Variants in BICD2 observed in about 807,000 individuals in gnomAD.
BICD2 encodes the protein protein bicaudal D homolog 2.
BICD2 carries 25 observed loss-of-function variants against 72.9 expected under a neutral mutation model. The ratio of observed to expected loss-of-function variants is 0.34; its 90% CI spans 0.25 to 0.48. The LOEUF (loss-of-function observed/expected upper bound fraction) is 0.48. Ranked by LOEUF, BICD2 falls within the 20% of genes least tolerant of loss-of-function variation. BICD2 has a pLI of 0.99. For synonymous variants in BICD2, 501 were observed against 516.1 expected, an observed-to-expected ratio of 0.97 and a Z score of 0.40; for missense variants, 894 against 1,175.2, an observed-to-expected ratio of 0.76 and a Z score of 3.50.
intron 1 of BICD2, among the ~76,000 whole-genome samples, chr9:92,744,886 T>C (rs1421067839): frequency 6.6e-6 from 1 of 152,100 alleles, no homozygotes; most frequent in Non-Finnish European, 1.5e-5. Context: ...ATAGCAAATG[T>C]ACCCAAGGGA....
At chr9:92,729,274 C>T (rs762232879) in intron 1 of BICD2, 38 bp from the exon 2 acceptor site, 1 of 1,606,174 alleles carries the variant, frequency 6.2e-7, no homozygotes, top group Non-Finnish European at 8.5e-7. Context: ...GGTGGGCCTC[C>T]CAGGGGCGCC....
At chr9:92,742,332 A>C (rs1040225444) in intron 1 of BICD2, among the ~76,000 whole-genome samples, 1 of 152,144 alleles carries the variant, frequency 6.6e-6, no homozygotes, top group Admixed American at 6.5e-5. Flanking sequence ...AGTGGTTTTT[A>C]GTACATTCAC....
chr9:92,714,432 T>C lies in BICD2; in HGVS notation c.*722A>G, dbSNP rs1437224198. ...CCTGGGGCCTTGGGCCCTGCCAATC[T>C]GTCACCTCACAGGCCACTATACAAG... On this transcript the variant is annotated 3_prime_UTR_variant, in exon 7 of 7. Coordinates refer to ENST00000356884, the MANE Select transcript of BICD2 (RefSeq NM_001003800.2). 3.0e-6 allele frequency: 3 copies of C among 985,386 alleles called. No homozygotes were observed. Among genetic ancestry groups the C allele is most frequent in the East Asian group, 1.1e-4 (1 of 8,828 alleles). The allele number at this position is 985,386 out of a possible 1,614,324, so 61.0% of individuals were successfully genotyped here. A position where few individuals can be genotyped will look rare whatever the true frequency, so the allele number is the denominator to read the frequency against.
At chr9:92,723,562 G>T (rs1160673286) in intron 2 of BICD2, among the ~76,000 whole-genome samples, 2 of 152,236 alleles carry the variant, frequency 1.3e-5, no homozygotes, top group African/African-American at 4.8e-5. Context: ...AGCTGGGGAG[G>T]GGGATGGGGA....
Position 92,713,505 on chromosome 9 carries a change from C to T in BICD2, c.*1649G>A, listed in dbSNP as rs377278066. On this transcript the variant is annotated 3_prime_UTR_variant, in exon 7 of 7. Coordinates refer to ENST00000356884, the MANE Select transcript of BICD2 (RefSeq NM_001003800.2). ...AGAGCGTTAGAAAGCGGTCATCTGT[C>T]GCTTCCTGTTTATCTGACAATTGAA... 2.2e-4 allele frequency: 340 copies of T among 1,574,022 alleles called. 1 individual carries two copies. Among genetic ancestry groups the T allele is most frequent in the Non-Finnish European group, 1.9e-4 (216 of 1,158,378 alleles).
At position 92,720,114 on chromosome 9, in the gene BICD2, A is replaced by T. The variant is rs1252004993; in HGVS notation, c.1062+186T>A. On this transcript the variant is annotated intron_variant, in intron 4 of 6. Coordinates refer to ENST00000356884, the MANE Select transcript of BICD2 (RefSeq NM_001003800.2). This position sits in a 1 kb window ranked among gnomAD's most constrained non-coding sequence, Gnocchi z 5.4. ...CAATGTGGGTGCTGCAGTGCCAGGA[A>T]ACCACTTCTCTGAGACTCCTCTATG... 6.6e-6 allele frequency among the ~76,000 whole-genome samples: 1 copy of T among 152,248 alleles called. No individual in the cohort carries two copies. Among genetic ancestry groups the T allele is most frequent in the Admixed American group, 6.5e-5 (1 of 15,286 alleles).
At chr9:92,756,556 C>T (rs1370153873) in intron 1 of BICD2, among the ~76,000 whole-genome samples, 18 of 149,872 alleles carry the variant, frequency 1.2e-4, no homozygotes, top group Admixed American at 1.2e-3. Context: ...CCACTGCGCC[C>T]GGCCCCTGGC....
At chr9:92,754,535 T>C (rs1212661739) in intron 1 of BICD2, among the ~76,000 whole-genome samples, 3 of 152,164 alleles carry the variant, frequency 2.0e-5, no homozygotes, top group Non-Finnish European at 4.4e-5. Flanking sequence ...ATCCAATCAG[T>C]GAACAGGGAA....
In BICD2 at chr9:92,714,409, T is replaced by C. The variant is rs74896402; in HGVS notation, c.*745A>G. 18,463 of 985,468 alleles carry C rather than the reference T, an allele frequency of 0.019. 321 individuals are homozygous for C. Among genetic ancestry groups the C allele is most frequent in the East Asian group, 0.089 (787 of 8,806 alleles). 61.0% of individuals were successfully genotyped at this position (985,468 alleles called of 1,614,324 possible). On this transcript the variant is annotated 3_prime_UTR_variant, in exon 7 of 7. Coordinates refer to ENST00000356884, the MANE Select transcript of BICD2 (RefSeq NM_001003800.2). ...GCTTTTCTCATGAAAAATGAAAACC[T>C]GGGGCCTTGGGCCCTGCCAATCTGT...
intron 1 of BICD2, among the ~76,000 whole-genome samples, chr9:92,743,624 A>C (rs1853943869): frequency 6.6e-6 from 1 of 152,172 alleles, no homozygotes; most frequent in African/African-American, 2.4e-5. Context: ...CATTTTATGG[A>C]GGAAGAAACT....
In BICD2 at chr9:92,719,102, C is replaced by T. The variant is rs1587668852; in HGVS notation, c.1543G>A (p.Glu515Lys). 2 of 1,612,914 alleles carry T rather than the reference C, an allele frequency of 1.2e-6. No individual in the cohort carries two copies. The highest frequency in any genetic ancestry group is 1.7e-6 in the Non-Finnish European group (2 of 1,179,982). Reference protein sequence around the residue: ...ELKKVSDVAGETQGSLSVAQD... With the variant: ...ELKKVSDVAGKTQGSLSVAQD... ...GCCACACTCAGGCTGCCCTGTGTCT[C>T]GCCGGCGACGTCGCTCACCTTCTTT... is the stretch of plus-strand genomic sequence containing the variant. Residue 515 changes from glutamate (E) to lysine (K), a missense_variant, in exon 5 of 7, where the codon GAG becomes AAG. Glu to Lys is a moderately conservative substitution (Grantham distance 56). This residue lies in a region of BICD2 where 371 missense variants were observed against 439.1 expected (regional missense o/e 0.84). Coordinates refer to ENST00000356884, the MANE Select transcript of BICD2 (RefSeq NM_001003800.2).
chr9:92,729,323 G>A, intron 1 of BICD2, 87 bp from the exon 2 acceptor site: 6 of 1,391,804 alleles, frequency 4.3e-6, no homozygotes, highest in Non-Finnish European at 6.0e-6. Flanking sequence ...CATTCATGCT[G>A]CAGAACAACA....
intron 1 of BICD2, among the ~76,000 whole-genome samples, chr9:92,749,141 G>C: frequency 6.6e-6 from 1 of 151,982 alleles, no homozygotes; most frequent in East Asian, 1.9e-4. Flanking sequence ...GCAAGACAGG[G>C]TGGGGCCTCT....
intron 1 of BICD2, among the ~76,000 whole-genome samples, chr9:92,737,861 G>A (rs1342687771): frequency 1.3e-5 from 2 of 152,346 alleles, no homozygotes; most frequent in East Asian, 1.9e-4. Flanking sequence ...GGGGAAGTGC[G>A]CCAGGTGGAA....
At chr9:92,719,693 CA>C in intron 4 of BICD2, 111 bp from the exon 5 acceptor site, 1 of 1,198,708 alleles carries the variant, frequency 8.3e-7, no homozygotes, top group Non-Finnish European at 1.1e-6. Context: ...GGCAGGCTGT[CA>C]GCCCCAGGTT....
In BICD2 at chr9:92,764,028, A is replaced by C. The variant is rs1854428135; in HGVS notation, c.240+477T>G. Among the ~76,000 whole-genome samples, 4 of 152,270 alleles carry C rather than the reference A, an allele frequency of 2.6e-5. No homozygotes were observed. The South Asian group carries it at 8.3e-4, about 32-fold the overall frequency. ...GCTCCGAAAGTAGCTGCGCCCAGAG[A>C]GGGGAAGTGCTTTCTCTGAAGGTGA... On this transcript the variant is annotated intron_variant, in intron 1 of 6. Coordinates refer to ENST00000356884, the MANE Select transcript of BICD2 (RefSeq NM_001003800.2). This position sits in a 1 kb window ranked among gnomAD's most constrained non-coding sequence, Gnocchi z 5.5.
At chr9:92,762,227 C>G (rs571773214) in intron 1 of BICD2, among the ~76,000 whole-genome samples, 10 of 150,054 alleles carry the variant, frequency 6.7e-5, no homozygotes, top group Non-Finnish European at 1.3e-4. Flanking sequence ...CTCCTTAAAT[C>G]TTGTGGTTTT....
Position 92,739,437 on chromosome 9 carries a change from T to C in BICD2, c.241-10201A>G, listed in dbSNP as rs527934103. ...ATGATAAAACTCACTTGATTACGGATTGTCAGTATCCCAGGCTCTCTATTC... is the reference window on the plus strand; with the variant it reads ...ATGATAAAACTCACTTGATTACGGACTGTCAGTATCCCAGGCTCTCTATTC... On this transcript the variant is annotated intron_variant, in intron 1 of 6. Transcript: ENST00000356884. 9.9e-5 allele frequency among the ~76,000 whole-genome samples: 15 copies of C among 152,266 alleles called. No individual in the cohort carries two copies. In the South Asian group the frequency reaches 2.1e-3, roughly 21 times the overall value.
At position 92,722,660 on chromosome 9, in the gene BICD2, T is replaced by C. The variant is rs201274230; in HGVS notation, c.602A>G (p.Asn201Ser). ...LQKQVSVLRQNQVEFEGLKHE... is the reference protein window; with the variant it reads ...LQKQVSVLRQSQVEFEGLKHE... ...CCCCACAGGCCCAAGACTCACCTGG[T>C]TCTGTCTGAGCACAGACACTTGCTT... Residue 201 changes from asparagine (N) to serine (S), a missense_variant, in exon 3 of 7, where the codon AAC becomes AGC. Asn to Ser is a conservative substitution (Grantham distance 46). Around this residue, in one of 5 missense-constraint regions of BICD2, gnomAD observed 5 missense variants for 24.5 expected, o/e 0.20. Coordinates refer to ENST00000356884, the MANE Select transcript of BICD2 (RefSeq NM_001003800.2). 8.0e-5 allele frequency: 129 copies of C among 1,614,068 alleles called. No individual in the cohort carries two copies. The highest frequency in any genetic ancestry group is 1.1e-4 in the Non-Finnish European group (127 of 1,180,024).
Sources: gnomAD v4.1 joint callset for allele counts (sites outside exome capture counted in the v4.1 genomes callset) on GRCh38, gnomAD v4.1.1 for gene constraint, gnomAD v4.1.1 regional missense constraint, Gnocchi (gnomAD v3.1) non-coding constraint, MANE v1.5 for transcripts, NCBI Gene and HGNC (gene_info 2026-07-23, HGNC 2026-07-21) for gene names.